VWA5B1: variants seen among roughly 807,000 people sequenced by gnomAD.
VWA5B1 encodes the protein von Willebrand factor A domain-containing protein 5B1.
Under a neutral mutation model 118.2 loss-of-function variants are expected in VWA5B1, and 115 were observed. The ratio of observed to expected loss-of-function variants is 0.97; its 90% CI spans 0.84 to 1.14. VWA5B1 has a LOEUF of 1.14. Ranked by LOEUF, VWA5B1 falls within the 50% of genes most tolerant of loss-of-function variation. The probability of loss-of-function intolerance (pLI) is 0.00; values close to 1 mark genes in which losing one functional copy is unlikely to be tolerated. For synonymous variants in VWA5B1, 682 were observed against 658.4 expected (o/e 1.04, Z -0.55); for missense variants, 1,596 against 1,603.8 (o/e 1.00, Z 0.08).
chr1:20,335,616 A>G (rs577019619), intron 12 of VWA5B1, among the ~76,000 whole-genome samples: 82 of 152,356 alleles, frequency 5.4e-4, no homozygotes, highest in African/African-American at 1.9e-3. Flanking sequence ...CAATTAACGC[A>G]TATTTTGTGG....
Position 20,343,299 on chromosome 1 carries a change from C to T in VWA5B1, c.2532C>T (p.Ala844=). 1.3e-6 allele frequency: 2 copies of T among 1,547,310 alleles called. No individual in the cohort carries two copies. Among genetic ancestry groups the T allele is most frequent in the Non-Finnish European group, 1.7e-6 (2 of 1,146,676 alleles). Residue 844 remains alanine, a synonymous_variant, in exon 16 of 22, where the codon GCC becomes GCT. Transcript: ENST00000289815. ...PGPERGGAQD[A]DLWSETFHHL... ...CGGAGCGGGGCGGCGCGCAGGATGC[C>T]GACCTATGGAGCGAGACCTTCCACC...
chr1:20,291,363 C>CTTTCTTTCTT lies in VWA5B1; in HGVS notation c.-27+276_-27+277insTTCTTTCTTT, dbSNP rs1557821958. Among the ~76,000 whole-genome samples the CTTTCTTTCTT allele has an allele frequency of 2.5e-5, 3 of 120,402 alleles. 1 individual carries two copies. Among genetic ancestry groups the CTTTCTTTCTT allele is most frequent in the African/African-American group, 1.6e-4 (3 of 18,832 alleles). 79.0% of individuals were successfully genotyped at this position (120,402 alleles called of 152,430 possible). A position where few individuals can be genotyped will look rare whatever the true frequency, so the allele number is the denominator to read the frequency against. ...TCTCTTTCTTTCTTTCTTTCTTTCT[C>CTTTCTTTCTT]TCTCTCTCTCTCTCTCTCTCTCTTT... On this transcript the variant is annotated intron_variant, in intron 1 of 21. Coordinates refer to ENST00000289815, the MANE Select transcript of VWA5B1 (RefSeq NM_001039500.3).
At chr1:20,348,132 C>T in intron 17 of VWA5B1, 113 bp from the exon 18 acceptor site, 2 of 1,025,662 alleles carry the variant, frequency 1.9e-6, no homozygotes, top group Admixed American at 4.2e-5. Context: ...CACCTTCCTG[C>T]CTTTGGATAA....
chr1:20,318,652 A>G lies in VWA5B1; in HGVS notation c.772A>G (p.Ser258Gly). The change falls in exon 6 of 22, where the codon AGC (serine) becomes GGC (glycine). Residue 258 changes from serine to glycine, a missense_variant. Coordinates refer to ENST00000289815, the MANE Select transcript of VWA5B1 (RefSeq NM_001039500.3). ...DAAPSARSAK[S>G]IIITLANKHT... is the part of the protein sequence containing the mutation. Reference sequence around the variant, plus strand: ...CGCCCCATCTGCCCGCTCGGCCAAGAGCATCATCATCACCTTGGCCAACAA... The same window carrying G: ...CGCCCCATCTGCCCGCTCGGCCAAGGGCATCATCATCACCTTGGCCAACAA... 1 of 1,550,026 alleles carries G rather than the reference A, an allele frequency of 6.5e-7. No individual in the cohort carries two copies. Among genetic ancestry groups the G allele is most frequent in the Non-Finnish European group, 8.7e-7 (1 of 1,146,064 alleles).
rs115617762 is a variant in VWA5B1 at position 20,302,879 on chromosome 1, G to T, written c.-26-7697G>T. On this transcript the variant is annotated intron_variant, in intron 1 of 21. Coordinates refer to ENST00000289815, the MANE Select transcript of VWA5B1 (RefSeq NM_001039500.3). ...GCAGAAGTCAGCCTTGTTTGGAGAC[G>T]TAGCGAGAGGTCTTGACTGGCTGGA... 1.1e-3 allele frequency among the ~76,000 whole-genome samples: 163 copies of T among 152,312 alleles called. 1 individual carries two copies. The highest frequency in any genetic ancestry group is 3.7e-3 in the African/African-American group (152 of 41,576).
chr1:20,316,231 C>T (rs373680288), intron 4 of VWA5B1, among the ~76,000 whole-genome samples: 4 of 152,150 alleles, frequency 2.6e-5, no homozygotes, highest in Non-Finnish European at 5.9e-5. Flanking sequence ...TGGCAATCCT[C>T]GGTGTGGCCT....
chr1:20,309,688 C>A (rs1226627253), intron 1 of VWA5B1, among the ~76,000 whole-genome samples: 1 of 152,242 alleles, frequency 6.6e-6, no homozygotes, highest in Admixed American at 6.5e-5. Context: ...AGTGGGGTAG[C>A]AGAGACCTGT....
chr1:20,314,226 T>A (rs2088932478), intron 3 of VWA5B1, 96 bp from the exon 4 acceptor site: 1 of 1,307,456 alleles, frequency 7.6e-7, no homozygotes. Context: ...GATTTTCCCA[T>A]CAGCAAAATG....
chr1:20,299,429 A>AGTCTCACTCT (rs2088465940), intron 1 of VWA5B1, among the ~76,000 whole-genome samples: 1 of 152,126 alleles, frequency 6.6e-6, no homozygotes, highest in African/African-American at 2.4e-5. Flanking sequence ...TTTGAGACAG[A>AGTCTCACTCT]GTCTCACTCT....
chr1:20,359,125 C>T lies in VWA5B1; in HGVS notation c.*4862C>T, dbSNP rs1305736757. ...CTTACAGCCACGTCCCAACGCAATG[C>T]GCCTCATCTCAATGCCGCTGACTGT... is the stretch of plus-strand genomic sequence containing the variant. On this transcript the variant is annotated 3_prime_UTR_variant, in exon 22 of 22. Transcript: ENST00000289815. Among the ~76,000 whole-genome samples, 2 of 152,230 alleles carry T rather than the reference C, an allele frequency of 1.3e-5. No homozygotes were observed.
At chr1:20,301,902 T>C (rs1039406766) in intron 1 of VWA5B1, among the ~76,000 whole-genome samples, 5 of 152,174 alleles carry the variant, frequency 3.3e-5, no homozygotes, top group Non-Finnish European at 4.4e-5. Context: ...AACGCAGGAA[T>C]CTTACTGGGC....
At position 20,323,539 on chromosome 1, in the gene VWA5B1, G is replaced by T; in HGVS notation, c.1143+7G>T. On this transcript the variant is annotated splice_region_variant and intron_variant, in intron 8 of 21. Transcript: ENST00000289815. ...CAGCATGCACCGAGTCAAGGTACCTGCTGAGAGAACCCCTCCCGAGGACCC... is the reference window on the plus strand; with the variant it reads ...CAGCATGCACCGAGTCAAGGTACCTTCTGAGAGAACCCCTCCCGAGGACCC... 1 of 1,412,590 alleles carries T rather than the reference G, an allele frequency of 7.1e-7. No individual in the cohort carries two copies. Among genetic ancestry groups the T allele is most frequent in the South Asian group, 1.6e-5 (1 of 64,042 alleles). 87.5% of individuals were successfully genotyped at this position (1,412,590 alleles called of 1,614,324 possible). A position where few individuals can be genotyped will look rare whatever the true frequency, so the allele number is the denominator to read the frequency against.
intron 16 of VWA5B1, among the ~76,000 whole-genome samples, chr1:20,344,068 G>T (rs1446048955): frequency 7.4e-6 from 1 of 135,628 alleles, no homozygotes; most frequent in Non-Finnish European, 1.6e-5. Context: ...CCTCACACCC[G>T]TCCACCCACC....
Position 20,339,889 on chromosome 1 carries a change from A to T in VWA5B1, c.2133+2053A>T, listed in dbSNP as rs534599593. Reference sequence around the variant, plus strand: ...ATCTACAAAATGGGGAGAATAGCTTAGGCACATGATTGAACTGCCATCCAT... The same window carrying T: ...ATCTACAAAATGGGGAGAATAGCTTTGGCACATGATTGAACTGCCATCCAT... On this transcript the variant is annotated intron_variant, in intron 14 of 21. Coordinates refer to ENST00000289815, the MANE Select transcript of VWA5B1 (RefSeq NM_001039500.3). Among the ~76,000 whole-genome samples, 8 of 152,312 alleles carry T rather than the reference A, an allele frequency of 5.3e-5. No individual in the cohort carries two copies. In the South Asian group the frequency reaches 1.0e-3, roughly 20 times the overall value.
At chr1:20,347,896 G>T (rs1434696574) in intron 17 of VWA5B1, among the ~76,000 whole-genome samples, 1 of 152,146 alleles carries the variant, frequency 6.6e-6, no homozygotes, top group Non-Finnish European at 1.5e-5. Flanking sequence ...AGAACAGAAT[G>T]TTCCTGAAAA....
chr1:20,291,354 T>TC (rs1491056546), intron 1 of VWA5B1, among the ~76,000 whole-genome samples: 23 of 114,982 alleles, frequency 2.0e-4, no homozygotes, highest in Non-Finnish European at 3.6e-4. Context: ...TCTTTCTTTC[T>TC]TTCTTTCTCT....
Position 20,330,309 on chromosome 1 carries a change from G to A in VWA5B1, c.1384G>A (p.Val462Met), listed in dbSNP as rs889740740. 14 of 1,551,660 alleles carry A rather than the reference G, an allele frequency of 9.0e-6. No homozygotes were observed. The highest frequency in any genetic ancestry group is 2.7e-5 in the African/African-American group (2 of 73,044). ...CCGAGGCCACCCGCGGCTCCTCTTCGTGATCACAGATGGCGCTGTCAACAA... is the reference window on the plus strand; with the variant it reads ...CCGAGGCCACCCGCGGCTCCTCTTCATGATCACAGATGGCGCTGTCAACAA... ...VHRGHPRLLFVITDGAVNNTG... is the reference protein window; with the variant it reads ...VHRGHPRLLFMITDGAVNNTG... The change falls in exon 10 of 22, where the codon GTG becomes ATG. Residue 462 changes from valine to methionine, a missense_variant. Transcript: ENST00000289815.
At chr1:20,318,743 C>T (rs750831566) in intron 6 of VWA5B1, 22 bp downstream of exon 6, 1 of 1,456,586 alleles carries the variant, frequency 6.9e-7, no homozygotes, top group African/African-American at 1.4e-5. Context: ...CACAACGGGC[C>T]CCTGGGCTGC....
intron 21 of VWA5B1, among the ~76,000 whole-genome samples, 184 bp from the exon 22 acceptor site, chr1:20,353,573 G>A (rs1407591685): frequency 6.6e-6 from 1 of 152,172 alleles, no homozygotes; most frequent in East Asian, 1.9e-4. Context: ...ACTTCGGCTT[G>A]GAGAATGATC....
Sources: allele counts gnomAD v4.1 joint callset (sites outside exome capture counted in the v4.1 genomes callset), GRCh38; gene constraint gnomAD v4.1.1; transcripts MANE v1.5; gene names NCBI Gene and HGNC (gene_info 2026-07-23, HGNC 2026-07-21).